Variants in SYNDIG1 observed in about 807,000 individuals in gnomAD.
SYNDIG1 encodes synapse differentiation-inducing gene protein 1.
Under a neutral mutation model 19.4 loss-of-function variants are expected in SYNDIG1, and 9 were observed. The observed-to-expected ratio is 0.46, with a 90% CI of 0.28 to 0.81. The LOEUF (loss-of-function observed/expected upper bound fraction) is 0.81. SYNDIG1 is among the 30% of genes least tolerant of loss of function. SYNDIG1 has a pLI of 0.12. For synonymous variants in SYNDIG1, 141 were observed against 145.9 expected, an observed-to-expected ratio of 0.97 and a Z score of 0.24; for missense variants, 311 against 343.3, an observed-to-expected ratio of 0.91 and a Z score of 0.74.
chr20:24,590,818 G>A (rs6049796), intron 3 of SYNDIG1, among the ~76,000 whole-genome samples: 1 of 152,054 alleles, frequency 6.6e-6, no homozygotes, highest in Admixed American at 6.5e-5. Context: ...ATCAAGCACC[G>A]GCGCGGTGAT....
intron 2 of SYNDIG1, among the ~76,000 whole-genome samples, chr20:24,554,234 A>G (rs1459454373): frequency 2.6e-5 from 4 of 152,164 alleles, no homozygotes; most frequent in African/African-American, 9.7e-5. Context: ...CTAGATATAC[A>G]ATCATGTCAT....
intron 3 of SYNDIG1, among the ~76,000 whole-genome samples, chr20:24,625,792 T>C (rs1273685522): frequency 3.9e-5 from 6 of 152,270 alleles, no homozygotes; most frequent in African/African-American, 1.4e-4. Flanking sequence ...AACCATCCAA[T>C]TTCTCAATCT....
chr20:24,642,913 G>T (rs2059392064), intron 3 of SYNDIG1, among the ~76,000 whole-genome samples: 1 of 152,106 alleles, frequency 6.6e-6, no homozygotes, highest in African/African-American at 2.4e-5. Flanking sequence ...CAGTGACAAA[G>T]CTAGGAAATA....
intron 1 of SYNDIG1, among the ~76,000 whole-genome samples, chr20:24,492,159 G>T (rs1187959808): frequency 7.9e-6 from 1 of 126,892 alleles, no homozygotes; most frequent in Non-Finnish European, 1.6e-5. Flanking sequence ...CCGCAGGGAC[G>T]CTGGGGAGAG....
intron 2 of SYNDIG1, among the ~76,000 whole-genome samples, chr20:24,574,106 G>T (rs768753416): frequency 3.3e-5 from 5 of 152,064 alleles, no homozygotes; most frequent in Non-Finnish European, 7.4e-5. Context: ...CATCATCTTT[G>T]CTGAGATCAC....
chr20:24,529,502 C>G (rs960237583), intron 1 of SYNDIG1, among the ~76,000 whole-genome samples: 5 of 152,120 alleles, frequency 3.3e-5, no homozygotes, highest in African/African-American at 1.2e-4. Flanking sequence ...GAAGAAGAAG[C>G]CATAGACATA....
chr20:24,656,657 G>A (rs190066082), intron 3 of SYNDIG1, among the ~76,000 whole-genome samples: 33 of 152,312 alleles, frequency 2.2e-4, no homozygotes, highest in Admixed American at 5.9e-4. Flanking sequence ...TCACAAGTGC[G>A]CCTCGCCCTC....
chr20:24,622,678 G>A (rs985893218), intron 3 of SYNDIG1, among the ~76,000 whole-genome samples: 9 of 152,166 alleles, frequency 5.9e-5, no homozygotes, highest in South Asian at 2.1e-4. Context: ...GCACTGATCC[G>A]TGGAAAAATT....
intron 1 of SYNDIG1, among the ~76,000 whole-genome samples, chr20:24,519,576 T>G (rs1312735691): frequency 6.6e-6 from 1 of 152,180 alleles, no homozygotes; most frequent in Admixed American, 6.5e-5. Context: ...AGCATAGTAT[T>G]CTTCAAGTTT....
At chr20:24,607,025 C>A (rs1331337627) in intron 3 of SYNDIG1, among the ~76,000 whole-genome samples, 1 of 152,110 alleles carries the variant, frequency 6.6e-6, no homozygotes, top group Non-Finnish European at 1.5e-5. Context: ...ACTCATTTGG[C>A]CTTTGTTTGC....
At chr20:24,592,632 G>C (rs1834319342) in intron 3 of SYNDIG1, among the ~76,000 whole-genome samples, 1 of 152,124 alleles carries the variant, frequency 6.6e-6, no homozygotes, top group South Asian at 2.1e-4. Context: ...TTTAATTTTT[G>C]AGACAGGGTA....
intron 1 of SYNDIG1, among the ~76,000 whole-genome samples, chr20:24,495,217 T>G (rs1338154930): frequency 6.6e-6 from 1 of 151,876 alleles, no homozygotes; most frequent in Admixed American, 6.6e-5. Context: ...GAAGGGAGGG[T>G]GGATTTCTTG....
intron 2 of SYNDIG1, among the ~76,000 whole-genome samples, chr20:24,546,643 T>C (rs1014707117): frequency 6.6e-6 from 1 of 152,238 alleles, no homozygotes; most frequent in Non-Finnish European, 1.5e-5. Flanking sequence ...TGCATGTTAC[T>C]ATCTCATTGA....
intron 1 of SYNDIG1, among the ~76,000 whole-genome samples, chr20:24,479,018 C>T (rs971308705): frequency 6.6e-6 from 1 of 152,202 alleles, no homozygotes; most frequent in Non-Finnish European, 1.5e-5. Flanking sequence ...TTAGACACTG[C>T]CCAGAAATGC....
At chr20:24,511,976 A>G (rs1335979415) in intron 1 of SYNDIG1, among the ~76,000 whole-genome samples, 1 of 151,688 alleles carries the variant, frequency 6.6e-6, no homozygotes, top group Non-Finnish European at 1.5e-5. Context: ...GATTCAGCAT[A>G]ATATATTCCA....
At chr20:24,558,564 T>A (rs1209307460) in intron 2 of SYNDIG1, among the ~76,000 whole-genome samples, 1 of 151,684 alleles carries the variant, frequency 6.6e-6, no homozygotes, top group East Asian at 1.9e-4. Flanking sequence ...GCCATTTTGA[T>A]TTTTGTTTTC....
At chr20:24,646,612 T>G (rs148748876) in intron 3 of SYNDIG1, among the ~76,000 whole-genome samples, 2,801 of 152,196 alleles carry the variant, frequency 0.018, 46 homozygotes, top group Middle Eastern at 0.051. Context: ...CCTCACCATA[T>G]GCAGATGCTC....
At chr20:24,624,283 A>G (rs917184932) in intron 3 of SYNDIG1, among the ~76,000 whole-genome samples, 1 of 152,054 alleles carries the variant, frequency 6.6e-6, no homozygotes, top group Non-Finnish European at 1.5e-5. Flanking sequence ...ATGAGACCCA[A>G]CAGAATGCTG....
At chr20:24,618,553 C>G (rs2058985825) in intron 3 of SYNDIG1, among the ~76,000 whole-genome samples, 1 of 152,192 alleles carries the variant, frequency 6.6e-6, no homozygotes, top group South Asian at 2.1e-4. Context: ...GTATTCTCCT[C>G]TATACTCCGA....
Sources: allele counts gnomAD v4.1 joint callset (sites outside exome capture counted in the v4.1 genomes callset), GRCh38; gene constraint gnomAD v4.1.1; transcripts MANE v1.5; gene names NCBI Gene and HGNC (gene_info 2026-07-23, HGNC 2026-07-21).